CD2AP: variants seen among roughly 807,000 people sequenced by gnomAD.
CD2AP encodes the protein CD2 associated protein, also known as CD2-associated protein.
Under a neutral mutation model 85.1 loss-of-function variants are expected in CD2AP, and 46 were observed. The ratio of observed to expected loss-of-function variants is 0.54; its 90% CI spans 0.43 to 0.69. The LOEUF (loss-of-function observed/expected upper bound fraction) is 0.69, where lower values mean the gene tolerates loss of function less well. CD2AP is among the 30% of genes least tolerant of loss of function. The pLI is 0.00. For synonymous variants in CD2AP, 255 were observed against 252.9 expected (o/e 1.01, Z -0.08); for missense variants, 769 against 729.5 (o/e 1.05, Z -0.62).
Position 47,613,486 on chromosome 6 carries a change from C to T in CD2AP, c.1878+950C>T, listed in dbSNP as rs946861590. On this transcript the variant is annotated intron_variant, in intron 17 of 17. Coordinates refer to ENST00000359314, the MANE Select transcript of CD2AP (RefSeq NM_012120.3). The stretch of plus-strand genomic sequence containing the variant: ...GGTGACTAAGGGCATGGTCAGTGAG[C>T]GTTCATATTTTAAAAATAATCCTTT... Among the ~76,000 whole-genome samples the T allele has an allele frequency of 1.6e-4, 24 of 151,050 alleles. No individual in the cohort carries two copies. The East Asian group carries it at 3.1e-3, about 20-fold the overall frequency.
At chr6:47,512,682 A>T (rs1035243583) in intron 2 of CD2AP, among the ~76,000 whole-genome samples, 1 of 152,226 alleles carries the variant, frequency 6.6e-6, no homozygotes. Flanking sequence ...ACAGAATATT[A>T]TCATTTTGCC....
At chr6:47,531,810 C>T (rs1018410589) in intron 2 of CD2AP, among the ~76,000 whole-genome samples, 18 of 152,036 alleles carry the variant, frequency 1.2e-4, no homozygotes, top group South Asian at 8.3e-4. Context: ...TGGTGGCTCA[C>T]GCTTGTAATC....
intron 5 of CD2AP, among the ~76,000 whole-genome samples, chr6:47,558,468 A>T (rs1362171692): frequency 2.0e-5 from 3 of 152,236 alleles, no homozygotes; most frequent in Non-Finnish European, 2.9e-5. Context: ...TTTGTCATAA[A>T]TAGCTCTTAT....
chr6:47,542,530 G>A (rs1767242818), intron 3 of CD2AP, among the ~76,000 whole-genome samples: 1 of 152,102 alleles, frequency 6.6e-6, no homozygotes, highest in African/African-American at 2.4e-5. Context: ...GAATGGGTTA[G>A]TGCCTTATGA....
In CD2AP at chr6:47,519,296, G is replaced by A. The variant is rs181252581; in HGVS notation, c.166-14306G>A. 5.3e-5 allele frequency among the ~76,000 whole-genome samples: 8 copies of A among 152,320 alleles called. No homozygotes were observed. The East Asian group carries it at 1.5e-3, about 29-fold the overall frequency. ...TTTGGCCAGTAAAACACAGGAGAATGCAGAGTAGATAAGGAATGAATTCCC... is the reference window on the plus strand; with the variant it reads ...TTTGGCCAGTAAAACACAGGAGAATACAGAGTAGATAAGGAATGAATTCCC... On this transcript the variant is annotated intron_variant, in intron 2 of 17. Transcript: ENST00000359314.
At chr6:47,607,061 T>A (rs1372307939) in intron 14 of CD2AP, among the ~76,000 whole-genome samples, 1 of 152,088 alleles carries the variant, frequency 6.6e-6, no homozygotes, top group Non-Finnish European at 1.5e-5. Flanking sequence ...TATGCAAAGT[T>A]TGTTCTTCTG....
At chr6:47,610,180 A>G (rs1769391495) in intron 16 of CD2AP, among the ~76,000 whole-genome samples, 4 of 152,216 alleles carry the variant, frequency 2.6e-5, no homozygotes, top group South Asian at 4.1e-4. Context: ...AGAAATTGAC[A>G]GAGCTAGAAC....
chr6:47,584,419 A>ATTTTTTTTTTTTTTTTTTTTTTTTTTTT (rs35951401), intron 11 of CD2AP, among the ~76,000 whole-genome samples: 1 of 138,264 alleles, frequency 7.2e-6, no homozygotes, highest in African/African-American at 2.6e-5. Context: ...GTCTAGATTC[A>ATTTTTTTTTTTTTTTTTTTTTTTTTTTT]TTTTTTTTTT....
chr6:47,487,390 A>G (rs1366670210), intron 1 of CD2AP, among the ~76,000 whole-genome samples: 1 of 152,152 alleles, frequency 6.6e-6, no homozygotes, highest in Non-Finnish European at 1.5e-5. Context: ...ATAGTTTAAA[A>G]CTTAAATAAA....
At chr6:47,576,471 GTATTATCTT>G in intron 6 of CD2AP, 44 bp from the exon 7 acceptor site, 1 of 1,173,594 alleles carries the variant, frequency 8.5e-7, no homozygotes, top group Non-Finnish European at 1.3e-6. Context: ...TTGTTTAACA[GTATTATCTT>G]TATTCTATCT....
chr6:47,478,556 T>C (rs1399559395), intron 1 of CD2AP, among the ~76,000 whole-genome samples: 3 of 152,162 alleles, frequency 2.0e-5, no homozygotes, highest in Non-Finnish European at 2.9e-5. Flanking sequence ...CTTGCCCAGC[T>C]AAAATCAGAC....
intron 1 of CD2AP, among the ~76,000 whole-genome samples, chr6:47,480,631 G>T (rs1249181702): frequency 6.6e-6 from 1 of 152,146 alleles, no homozygotes; most frequent in Non-Finnish European, 1.5e-5. Context: ...TTGTTAGGAG[G>T]ATTGAATGAG....
intron 5 of CD2AP, among the ~76,000 whole-genome samples, chr6:47,569,338 T>A (rs1012412090): frequency 4.6e-5 from 7 of 152,016 alleles, no homozygotes; most frequent in African/African-American, 1.5e-4. Flanking sequence ...TTAGTCTCAA[T>A]TTATTGGAGA....
At chr6:47,517,576 C>T (rs1250057338) in intron 2 of CD2AP, among the ~76,000 whole-genome samples, 1 of 152,158 alleles carries the variant, frequency 6.6e-6, no homozygotes, top group Non-Finnish European at 1.5e-5. Context: ...AGGCCTAAGC[C>T]ACCGCGCCTG....
Position 47,544,672 on chromosome 6 carries a change from T to C in CD2AP, c.386T>C (p.Leu129Pro). Residue 129 changes from leucine (L) to proline (P), a missense_variant, in exon 4 of 18, where the codon CTG (leucine) becomes CCG (proline). Coordinates refer to ENST00000359314, the MANE Select transcript of CD2AP (RefSeq NM_012120.3). ...YIPQNEDELE[L>P]KVGDIIDINE... ...CCACAAAATGAGGATGAACTGGAGC[T>C]GAAAGTGGGAGATATTATTGATATT... The C allele has an allele frequency of 6.2e-7, 1 of 1,612,042 alleles. No homozygotes were observed. Among genetic ancestry groups the C allele is most frequent in the Non-Finnish European group, 8.5e-7 (1 of 1,178,344 alleles).
chr6:47,550,365 AC>A (rs1471016661), intron 4 of CD2AP, among the ~76,000 whole-genome samples: 1 of 152,214 alleles, frequency 6.6e-6, no homozygotes, highest in Admixed American at 6.5e-5. Flanking sequence ...CAAGAAAAAA[AC>A]AATCCCATCA....
chr6:47,565,804 A>G (rs544597873), intron 5 of CD2AP, among the ~76,000 whole-genome samples: 5 of 152,188 alleles, frequency 3.3e-5, no homozygotes, highest in Non-Finnish European at 5.9e-5. Context: ...TATAATTACC[A>G]TAGCCTATAT....
At chr6:47,598,115 A>AAGAT in intron 12 of CD2AP, among the ~76,000 whole-genome samples, 1 of 151,184 alleles carries the variant, frequency 6.6e-6, no homozygotes, top group Non-Finnish European at 1.5e-5. Flanking sequence ...TTCTCAAAAG[A>AAGAT]AGATATACAA....
rs532840602 is a variant in CD2AP, at chr6:47,531,932, G to T, written c.166-1670G>T. On this transcript the variant is annotated intron_variant, in intron 2 of 17. Coordinates refer to ENST00000359314, the MANE Select transcript of CD2AP (RefSeq NM_012120.3). ...TACTAAAAATACAAAAATTAGCCAGGTGTGGTGGTGCATGCCTGTAGTCCC... is the reference window on the plus strand; with the variant it reads ...TACTAAAAATACAAAAATTAGCCAGTTGTGGTGGTGCATGCCTGTAGTCCC... 1.1e-3 allele frequency among the ~76,000 whole-genome samples: 167 copies of T among 151,926 alleles called. 1 individual carries two copies. Among genetic ancestry groups the T allele is most frequent in the Non-Finnish European group, 1.2e-3 (80 of 68,002 alleles).
Sources: gnomAD v4.1 joint callset for allele counts (sites outside exome capture counted in the v4.1 genomes callset) on GRCh38, gnomAD v4.1.1 for gene constraint, MANE v1.5 for transcripts, NCBI Gene and HGNC (gene_info 2026-07-23, HGNC 2026-07-21) for gene names.